Variants in RIMKLB observed in about 807,000 individuals in gnomAD.
RIMKLB encodes the protein ribosomal modification protein rimK like family member B, also known as beta-citrylglutamate synthase B.
RIMKLB carries 7 observed loss-of-function variants against 32.0 expected under a neutral mutation model. The ratio of observed to expected loss-of-function variants is 0.22; its 90% confidence interval spans 0.12 to 0.41. The LOEUF is 0.41. Among genes scored for constraint, RIMKLB ranks in the 10% least tolerant of loss-of-function variants. The pLI is 1.00. For missense variants in RIMKLB, 289 were observed against 498.7 expected, an observed-to-expected ratio of 0.58 and a Z score of 4.00; for synonymous variants, 172 against 185.1, an observed-to-expected ratio of 0.93 and a Z score of 0.57.
intron 2 of RIMKLB, among the ~76,000 whole-genome samples, chr12:8,726,905 G>A (rs747005945): frequency 2.7e-5 from 4 of 150,826 alleles, no homozygotes; most frequent in African/African-American, 9.7e-5. Flanking sequence ...TTCTTTTTTT[G>A]CCCTTTGTCA....
chr12:8,774,245 A>C lies in RIMKLB; in HGVS notation c.*461A>C, dbSNP rs984341975. Reference sequence around the variant, plus strand: ...GGAATTTTTGTATTATACAGCTCTGAAAATTCTGCCATTTCCTTATTAACT... The same window carrying C: ...GGAATTTTTGTATTATACAGCTCTGCAAATTCTGCCATTTCCTTATTAACT... On this transcript the variant is annotated 3_prime_UTR_variant, in exon 6 of 6. Transcript: ENST00000535829. 20 of 977,714 alleles carry C rather than the reference A, an allele frequency of 2.0e-5. No individual in the cohort carries two copies. The highest frequency in any genetic ancestry group is 3.6e-6 in the Non-Finnish European group (3 of 822,950). The allele number at this position is 977,714 out of a possible 1,614,324, so 60.6% of individuals were successfully genotyped here.
intron 3 of RIMKLB, 115 bp downstream of exon 3, chr12:8,750,207 C>T: frequency 3.3e-6 from 2 of 600,926 alleles, no homozygotes; most frequent in Middle Eastern, 5.5e-4. Flanking sequence ...TTTTAACACA[C>T]TGGACAGGAT....
intron 2 of RIMKLB, among the ~76,000 whole-genome samples, chr12:8,725,505 G>A (rs960923637): frequency 3.3e-5 from 5 of 152,062 alleles, no homozygotes; most frequent in South Asian, 2.1e-4. Flanking sequence ...CTCACCTGAC[G>A]TCAGGATGCT....
chr12:8,697,738 C>T (rs1591614799), upstream of RIMKLB: 1 of 230,766 alleles, frequency 4.3e-6, no homozygotes, highest in Non-Finnish European at 9.7e-6. Context: ...AGCGATGGCT[C>T]GGGTGCGGGC....
intron 5 of RIMKLB, among the ~76,000 whole-genome samples, chr12:8,756,995 C>A (rs1419974702): frequency 6.6e-6 from 1 of 152,094 alleles, no homozygotes; most frequent in Non-Finnish European, 1.5e-5. Flanking sequence ...ACTTCCTATT[C>A]TTGAAAAATG....
intron 5 of RIMKLB, among the ~76,000 whole-genome samples, chr12:8,756,768 T>G (rs1949073996): frequency 7.2e-6 from 1 of 139,130 alleles, no homozygotes; most frequent in African/African-American, 2.7e-5. Context: ...CTCAGCTCAC[T>G]GCAACCTCTG....
At chr12:8,779,360 T>C (rs1454606886), downstream of RIMKLB, 1 of 152,300 alleles carries the variant, frequency 6.6e-6, no homozygotes, top group African/African-American at 2.4e-5. Flanking sequence ...TGTTGTTGTT[T>C]TAGGTTTCAG....
intron 1 of RIMKLB, among the ~76,000 whole-genome samples, chr12:8,706,737 A>AACCACCATGC (rs1223093825): frequency 3.3e-5 from 5 of 151,786 alleles, no homozygotes; most frequent in Non-Finnish European, 5.9e-5. Context: ...TACCGGCATG[A>AACCACCATGC]ACCACCATGC....
the RIMKLB span, among the ~76,000 whole-genome samples, chr12:8,669,178 G>C: frequency 1.3e-5 from 2 of 152,138 alleles, no homozygotes; most frequent in Admixed American, 1.3e-4. Flanking sequence ...CATGGATGAA[G>C]GGGAAGGGGA....
intron 2 of RIMKLB, among the ~76,000 whole-genome samples, chr12:8,748,821 C>T (rs1948377102): frequency 6.6e-6 from 1 of 151,814 alleles, no homozygotes; most frequent in Admixed American, 6.6e-5. Context: ...CGCCTGTAGT[C>T]CCAGCCACTC....
At chr12:8,675,406 T>C in the RIMKLB span, among the ~76,000 whole-genome samples, 1 of 152,174 alleles carries the variant, frequency 6.6e-6, no homozygotes, top group Non-Finnish European at 1.5e-5. Flanking sequence ...TAAGTGCTGG[T>C]TTTCAAGGTT....
At chr12:8,715,164 G>A (rs11046896) in intron 2 of RIMKLB, among the ~76,000 whole-genome samples, 5,002 of 150,362 alleles carry the variant, frequency 0.033, 283 homozygotes, top group African/African-American at 0.11. Context: ...CAGTACTTTT[G>A]ATCAGTTATT....
chr12:8,735,287 T>G (rs955493603), intron 2 of RIMKLB, among the ~76,000 whole-genome samples: 1 of 152,214 alleles, frequency 6.6e-6, no homozygotes, highest in African/African-American at 2.4e-5. Context: ...TGGAATGCAT[T>G]GCCACAATCT....
At chr12:8,684,811 C>T (rs113695818) in intron 1 of RIMKLB, among the ~76,000 whole-genome samples, 32,251 of 151,882 alleles carry the variant, frequency 0.21, 4,206 homozygotes, top group Non-Finnish European at 0.3. Flanking sequence ...TTTGTAGAGA[C>T]GGGGTTTCAC....
At chr12:8,708,553 C>G (rs747160253) in intron 1 of RIMKLB, among the ~76,000 whole-genome samples, 1 of 152,046 alleles carries the variant, frequency 6.6e-6, no homozygotes, top group South Asian at 2.1e-4. Context: ...GAAATTTGAT[C>G]CAGTAAGAAA....
At chr12:8,762,207 G>T (rs1262129569) in intron 5 of RIMKLB, among the ~76,000 whole-genome samples, 1 of 152,158 alleles carries the variant, frequency 6.6e-6, no homozygotes, top group Non-Finnish European at 1.5e-5. Context: ...GAGGTGCAGC[G>T]AGAGTGAAAG....
At chr12:8,681,889 G>A (rs1283122565) in intron 1 of RIMKLB, 1 of 152,034 alleles carries the variant, frequency 6.6e-6, no homozygotes, top group African/African-American at 2.4e-5. Flanking sequence ...GAAGGTCATG[G>A]GAACCCCCAA....
At chr12:8,780,995 G>GT (rs1159539658), downstream of RIMKLB, among the ~76,000 whole-genome samples, 2 of 152,298 alleles carry the variant, frequency 1.3e-5, no homozygotes, top group Admixed American at 1.3e-4. Context: ...AAATCTGAAT[G>GT]TTTTTAATTT....
At chr12:8,750,660 A>G (rs1948548072) in intron 3 of RIMKLB, among the ~76,000 whole-genome samples, 1 of 152,112 alleles carries the variant, frequency 6.6e-6, no homozygotes, top group Non-Finnish European at 1.5e-5. Context: ...GTGGTAGATT[A>G]ATACTCATGT....
Sources: allele counts gnomAD v4.1 joint callset (sites outside exome capture counted in the v4.1 genomes callset), GRCh38; gene constraint gnomAD v4.1.1; transcripts MANE v1.5; gene names NCBI Gene and HGNC (gene_info 2026-07-23, HGNC 2026-07-21).